Variants in PLXNA4 observed in about 807,000 individuals in gnomAD.
The protein encoded by PLXNA4 is plexin-A4.
In PLXNA4, 44 loss-of-function variants were observed where a neutral mutation model predicts 191.8. The observed-to-expected ratio is 0.23, with a 90% CI of 0.18 to 0.29. PLXNA4 has a LOEUF of 0.29. PLXNA4 is among the 10% of genes least tolerant of loss of function. The pLI is 1.00. For missense variants in PLXNA4, 1,800 were observed against 2,488.8 expected (o/e 0.72, Z 5.89); for synonymous variants, 1,082 against 1,009.5 (o/e 1.07, Z -1.36).
chr7:132,298,448 C>G (rs1204851439), intron 3 of PLXNA4, among the ~76,000 whole-genome samples: 1 of 152,216 alleles, frequency 6.6e-6, no homozygotes, highest in Non-Finnish European at 1.5e-5. Flanking sequence ...CACCAAGAAT[C>G]CAGTCTTAAT....
chr7:132,625,467 A>G (rs936802546), intron 2 of PLXNA4, among the ~76,000 whole-genome samples: 3 of 152,214 alleles, frequency 2.0e-5, no homozygotes, highest in Admixed American at 2.0e-4. Flanking sequence ...TCTAGGTACT[A>G]TCTTTTCACA....
chr7:132,188,998 GAGAGAGAGAGAGAGAGA>G (rs1362536749), intron 14 of PLXNA4, among the ~76,000 whole-genome samples: 16 of 51,000 alleles, frequency 3.1e-4, no homozygotes, highest in South Asian at 1.5e-3. Flanking sequence ...GGAAAGGAGA[GAGAGAGAGAGAGAGAGA>G]GAGAGAGAGA....
intron 2 of PLXNA4, among the ~76,000 whole-genome samples, chr7:132,601,017 A>G (rs1802807973): frequency 6.6e-6 from 1 of 151,884 alleles, no homozygotes; most frequent in African/African-American, 2.4e-5. Flanking sequence ...TTGACTTTCT[A>G]TCTCCAGAGC....
chr7:132,640,004 C>A (rs1803707845), intron 2 of PLXNA4, among the ~76,000 whole-genome samples: 1 of 152,190 alleles, frequency 6.6e-6, no homozygotes, highest in Non-Finnish European at 1.5e-5. Flanking sequence ...TGCAGAGCTC[C>A]AATATTCTAG....
chr7:132,308,610 G>T (rs897972055), intron 3 of PLXNA4, among the ~76,000 whole-genome samples: 1 of 152,148 alleles, frequency 6.6e-6, no homozygotes, highest in Non-Finnish European at 1.5e-5. Context: ...GGCAAACAGC[G>T]TGACTCCCAA....
intron 3 of PLXNA4, among the ~76,000 whole-genome samples, chr7:132,457,958 A>G (rs1431409344): frequency 1.3e-5 from 2 of 152,148 alleles, no homozygotes; most frequent in Non-Finnish European, 2.9e-5. Context: ...AGTGAATCCT[A>G]TTTTGGACTT....
intron 16 of PLXNA4, among the ~76,000 whole-genome samples, chr7:132,182,440 G>A (rs1280823810): frequency 2.6e-5 from 4 of 152,122 alleles, no homozygotes; most frequent in East Asian, 1.9e-4. Context: ...ATGGACCCCC[G>A]TGGAGGCCCA....
At chr7:132,648,385 G>A (rs1254758887) in intron 1 of PLXNA4, 6 of 152,160 alleles carry the variant, frequency 3.9e-5, no homozygotes, top group Non-Finnish European at 7.3e-5. Context: ...TTCCCATGGG[G>A]CTTCAGCCAA....
At chr7:132,216,084 T>C (rs944656916) in intron 9 of PLXNA4, among the ~76,000 whole-genome samples, 3 of 152,182 alleles carry the variant, frequency 2.0e-5, no homozygotes, top group Non-Finnish European at 2.9e-5. Context: ...ACTCAGCCCT[T>C]TAACTTGTGA....
In PLXNA4 at chr7:132,199,193, C is replaced by T. The variant is rs539553115; in HGVS notation, c.2587-557G>A. Among the ~76,000 whole-genome samples, 112 of 152,314 alleles carry T rather than the reference C, an allele frequency of 7.4e-4. No individual in the cohort carries two copies. In the Middle Eastern group the frequency reaches 0.041, roughly 56 times the overall value. On this transcript the variant is annotated intron_variant, in intron 12 of 31. Coordinates refer to ENST00000321063, the MANE Select transcript of PLXNA4 (RefSeq NM_020911.2). Reference sequence around the variant, plus strand: ...CATCCTTCCCACTCCCAGCCCCCTCCTCCTCCGATCCTGAGTCTCTGAGAG... The same window carrying T: ...CATCCTTCCCACTCCCAGCCCCCTCTTCCTCCGATCCTGAGTCTCTGAGAG...
intron 3 of PLXNA4, among the ~76,000 whole-genome samples, chr7:132,395,155 A>G (rs1364491842): frequency 6.6e-6 from 1 of 152,126 alleles, no homozygotes; most frequent in Non-Finnish European, 1.5e-5. Flanking sequence ...TGGGGGAAAC[A>G]CTCAATTAGG....
intron 3 of PLXNA4, among the ~76,000 whole-genome samples, chr7:132,343,309 A>G (rs1803111899): frequency 6.6e-6 from 1 of 152,218 alleles, no homozygotes; most frequent in African/African-American, 2.4e-5. Flanking sequence ...GAACATTCAC[A>G]TTGTTGTGCA....
chr7:132,346,118 A>T (rs1803237467), intron 3 of PLXNA4, among the ~76,000 whole-genome samples: 3 of 152,178 alleles, frequency 2.0e-5, no homozygotes, highest in Admixed American at 2.0e-4. Context: ...TGGGCTAAAG[A>T]CAAGTATACC....
intron 3 of PLXNA4, among the ~76,000 whole-genome samples, chr7:132,482,979 C>T (rs1208981530): frequency 6.6e-6 from 1 of 152,094 alleles, no homozygotes; most frequent in Non-Finnish European, 1.5e-5. Flanking sequence ...GGGTGAGCCA[C>T]CGCGCCCGGC....
intron 5 of PLXNA4, among the ~76,000 whole-genome samples, chr7:132,236,221 G>C (rs760145839): frequency 2.0e-5 from 3 of 152,174 alleles, no homozygotes; most frequent in Non-Finnish European, 4.4e-5. Context: ...CAGAGGCCCT[G>C]ACCTTGCACT....
Position 132,380,644 on chromosome 7 carries a change from C to T in PLXNA4, c.1372-82422G>A, listed in dbSNP as rs146467708. 4.9e-3 allele frequency among the ~76,000 whole-genome samples: 739 copies of T among 152,246 alleles called. 1 individual carries two copies. Among genetic ancestry groups the T allele is most frequent in the African/African-American group, 0.017 (691 of 41,538 alleles). On this transcript the variant is annotated intron_variant, in intron 3 of 31. Transcript: ENST00000321063. ...CAGAGAGGCAGAAAAAGAGACAGGACGATTTAAAGTATCAGGAGCAGGGCC... is the reference window on the plus strand; with the variant it reads ...CAGAGAGGCAGAAAAAGAGACAGGATGATTTAAAGTATCAGGAGCAGGGCC...
intron 3 of PLXNA4, among the ~76,000 whole-genome samples, chr7:132,325,661 G>T (rs1431679774): frequency 6.6e-6 from 1 of 152,152 alleles, no homozygotes; most frequent in African/African-American, 2.4e-5. Context: ...GCAAGGAAGG[G>T]TTCTACACAG....
intron 2 of PLXNA4, among the ~76,000 whole-genome samples, chr7:132,493,710 GAT>G (rs1797892855): frequency 6.7e-6 from 1 of 148,908 alleles, no homozygotes. Flanking sequence ...TAGGTGGATG[GAT>G]GGATGGATGG....
chr7:132,598,400 C>A (rs768893213), intron 2 of PLXNA4, among the ~76,000 whole-genome samples: 1 of 152,176 alleles, frequency 6.6e-6, no homozygotes, highest in African/African-American at 2.4e-5. Context: ...TGAGCCACTG[C>A]GCCTGGCCAA....
Sources: allele counts gnomAD v4.1 joint callset (sites outside exome capture counted in the v4.1 genomes callset), GRCh38; gene constraint gnomAD v4.1.1; transcripts MANE v1.5; gene names NCBI Gene and HGNC (gene_info 2026-07-23, HGNC 2026-07-21).